Variants in ABCA13 observed in about 807,000 individuals in gnomAD.
ABCA13 encodes the protein ATP binding cassette subfamily A member 13.
Under a neutral mutation model 478.7 loss-of-function variants are expected in ABCA13, and 476 were observed. That is an observed-to-expected ratio of 0.99 (90% CI 0.92 to 1.07). The LOEUF is 1.07. Ranked by LOEUF, ABCA13 falls within the 50% of genes least tolerant of loss-of-function variation. The probability of loss-of-function intolerance (pLI) is 0.00; values close to 1 mark genes in which losing one functional copy is unlikely to be tolerated. For missense variants in ABCA13, 6,060 were observed against 5,910.6 expected, an observed-to-expected ratio of 1.03 and a Z score of -0.83; for synonymous variants, 2,252 against 2,158.9, an observed-to-expected ratio of 1.04 and a Z score of -1.20.
chr7:48,317,221 C>G lies in ABCA13; in HGVS notation c.9924C>G (p.Thr3308=). The part of the protein sequence containing the change: ...LQLPNGALVW[T]FLKPILHGKI... ...TGCCAAATGGTGCTTTGGTGTGGACCTTCCTAAAACCCATATTGCATGGAA... is the reference window on the plus strand; with the variant it reads ...TGCCAAATGGTGCTTTGGTGTGGACGTTCCTAAAACCCATATTGCATGGAA... Residue 3308 remains threonine (T), a synonymous_variant, in exon 27 of 62, where the codon ACC becomes ACG. Transcript: ENST00000435803. The G allele has an allele frequency of 6.2e-7, 1 of 1,613,624 alleles. No individual in the cohort carries two copies.
chr7:48,414,410 A>G (rs6951337), intron 41 of ABCA13, among the ~76,000 whole-genome samples: 29,570 of 151,990 alleles, frequency 0.19, 3,252 homozygotes, highest in East Asian at 0.23. Flanking sequence ...AGCAGTGCCC[A>G]GGACAGTTAC....
At chr7:48,219,983 T>C (rs752978452) in intron 4 of ABCA13, among the ~76,000 whole-genome samples, 1 of 151,948 alleles carries the variant, frequency 6.6e-6, no homozygotes, top group Non-Finnish European at 1.5e-5. Flanking sequence ...GTCTTTTCCA[T>C]GTTAGTAACC....
At chr7:48,243,315 C>T (rs1282827080) in intron 10 of ABCA13, among the ~76,000 whole-genome samples, 1 of 152,256 alleles carries the variant, frequency 6.6e-6, no homozygotes, top group Non-Finnish European at 1.5e-5. Context: ...TAATCTCTTT[C>T]TCACTTTCTA....
At chr7:48,507,385 A>G (rs1306095693) in intron 49 of ABCA13, among the ~76,000 whole-genome samples, 1 of 152,192 alleles carries the variant, frequency 6.6e-6, no homozygotes, top group Non-Finnish European at 1.5e-5. Context: ...ACAGTGTATA[A>G]TATTACAGAG....
rs148962023 is a variant in ABCA13 at position 48,269,603 on chromosome 7, C to T, written c.2120+509C>T. 3.2e-3 allele frequency among the ~76,000 whole-genome samples: 486 copies of T among 152,222 alleles called. 1 individual carries two copies. Among genetic ancestry groups the T allele is most frequent in the African/African-American group, 1.0e-2 (414 of 41,546 alleles). Reference sequence around the variant, plus strand: ...AGTGTGTCCAGTTTAAAGGTATACTCGGTTATTTGTGGGGTGTATTGGAAC... The same window carrying T: ...AGTGTGTCCAGTTTAAAGGTATACTTGGTTATTTGTGGGGTGTATTGGAAC... On this transcript the variant is annotated intron_variant, in intron 16 of 61. Transcript: ENST00000435803.
At chr7:48,531,731 A>AT (rs34996683) in intron 55 of ABCA13, among the ~76,000 whole-genome samples, 2,182 of 102,218 alleles carry the variant, frequency 0.021, 42 homozygotes, top group South Asian at 0.043. Context: ...TATATTCCTA[A>AT]TTTTTTTTTT....
At chr7:48,605,526 G>A (rs1791378296) in intron 58 of ABCA13, among the ~76,000 whole-genome samples, 1 of 152,210 alleles carries the variant, frequency 6.6e-6, no homozygotes, top group Non-Finnish European at 1.5e-5. Context: ...CATTAAGAAT[G>A]CTGAATATTG....
Position 48,545,684 on chromosome 7 carries a change from G to A in ABCA13, c.14354+17339G>A, listed in dbSNP as rs113081717. Among the ~76,000 whole-genome samples, 256 of 150,974 alleles carry A rather than the reference G, an allele frequency of 1.7e-3. 2 individuals carry two copies. Among genetic ancestry groups the A allele is most frequent in the African/African-American group, 5.8e-3 (240 of 41,200 alleles). On this transcript the variant is annotated intron_variant, in intron 55 of 61. Coordinates refer to ENST00000435803, the MANE Select transcript of ABCA13 (RefSeq NM_152701.5). ...AAAGGAGAATTGGCACACAAAGAAT[G>A]TAATGTAAGAGAACTACAATCACAA...
Position 48,298,455 on chromosome 7 carries a change from A to G in ABCA13, c.9289A>G (p.Ser3097Gly). ...CCAAATCTCGAATGAGACTATCCAT[A>G]GCATTCTAGAAGCAAATATTTCCCA... is the stretch of plus-strand genomic sequence containing the variant. ...SIQISNETIHSILEANISHSK... is the reference protein window; with the variant it reads ...SIQISNETIHGILEANISHSK... Residue 3097 changes from serine to glycine, a missense_variant, in exon 23 of 62, where the codon AGC becomes GGC. By Grantham distance (56) the Ser-to-Gly change is moderately conservative. Coordinates refer to ENST00000435803, the MANE Select transcript of ABCA13 (RefSeq NM_152701.5). 1 of 1,613,570 alleles carries G rather than the reference A, an allele frequency of 6.2e-7. No homozygotes were observed. Among genetic ancestry groups the G allele is most frequent in the South Asian group, 1.1e-5 (1 of 90,922 alleles).
chr7:48,384,454 A>G (rs1814864574), intron 35 of ABCA13, among the ~76,000 whole-genome samples: 1 of 152,226 alleles, frequency 6.6e-6, no homozygotes, highest in Non-Finnish European at 1.5e-5. Flanking sequence ...GCTGCGCGTC[A>G]CTGGGCAACC....
At chr7:48,362,951 A>G (rs1413654663) in intron 31 of ABCA13, among the ~76,000 whole-genome samples, 1 of 152,114 alleles carries the variant, frequency 6.6e-6, no homozygotes, top group Non-Finnish European at 1.5e-5. Flanking sequence ...ATTCCCCATT[A>G]TCCTTCCATT....
intron 38 of ABCA13, among the ~76,000 whole-genome samples, chr7:48,399,246 A>T (rs531608226): frequency 2.0e-5 from 3 of 152,228 alleles, no homozygotes; most frequent in Non-Finnish European, 4.4e-5. Context: ...GACAGGAATC[A>T]CAGCAGCATA....
At chr7:48,282,370 C>T (rs112261717) in intron 19 of ABCA13, among the ~76,000 whole-genome samples, 2,181 of 152,288 alleles carry the variant, frequency 0.014, 20 homozygotes, top group Middle Eastern at 0.054. Context: ...CATCCTCTGG[C>T]CCAGTCTCCT....
At chr7:48,610,376 C>T (rs977329029) in intron 58 of ABCA13, among the ~76,000 whole-genome samples, 39 of 152,190 alleles carry the variant, frequency 2.6e-4, no homozygotes, top group African/African-American at 7.5e-4. Flanking sequence ...TGAGCAGCTC[C>T]GCCCCTGTGG....
At chr7:48,310,270 C>A in intron 24 of ABCA13, 129 bp downstream of exon 24, 1 of 1,005,850 alleles carries the variant, frequency 9.9e-7, no homozygotes, top group Non-Finnish European at 1.5e-6. Context: ...GTGGTCTCCA[C>A]CAGCCTCTGG....
At position 48,646,338 on chromosome 7, in the gene ABCA13, T is replaced by C. The variant is rs1795433683; in HGVS notation, c.*826T>C. The C allele has an allele frequency of 6.6e-6, 1 of 152,170 alleles. No homozygotes were observed. Among genetic ancestry groups the C allele is most frequent in the Admixed American group, 6.5e-5 (1 of 15,274 alleles). The allele number at this position is 152,170 out of a possible 1,614,324, so 9.4% of individuals were successfully genotyped here. On this transcript the variant is annotated 3_prime_UTR_variant, in exon 62 of 62. Transcript: ENST00000435803. ...CGTAGTGGTCCCCATATTAGCTGCA[T>C]TGCCATCTTCTGGGAGCTTGCAAGA...
chr7:48,203,383 A>C (rs1799133458), intron 3 of ABCA13, among the ~76,000 whole-genome samples: 1 of 152,252 alleles, frequency 6.6e-6, no homozygotes, highest in Non-Finnish European at 1.5e-5. Context: ...GGTGGGCTGA[A>C]GGGCTCCTCA....
chr7:48,442,886 C>G (rs75905369), intron 42 of ABCA13, among the ~76,000 whole-genome samples: 45,011 of 151,836 alleles, frequency 0.3, 6,686 homozygotes, highest in East Asian at 0.37. Flanking sequence ...TATTGGCCTT[C>G]TAGCTGTGCG....
At chr7:48,521,056 C>G (rs1832511660) in intron 53 of ABCA13, among the ~76,000 whole-genome samples, 1 of 128,148 alleles carries the variant, frequency 7.8e-6, no homozygotes, top group African/African-American at 3.8e-5. Flanking sequence ...GTGGTTTATA[C>G]ACATGCATGC....
Sources: allele counts gnomAD v4.1 joint callset (sites outside exome capture counted in the v4.1 genomes callset), GRCh38; gene constraint gnomAD v4.1.1; transcripts MANE v1.5; gene names NCBI Gene and HGNC (gene_info 2026-07-23, HGNC 2026-07-21).